Variants in KCND2 observed in about 807,000 individuals in gnomAD.
KCND2 encodes potassium voltage-gated channel subfamily D member 2.
Under a neutral mutation model 54.4 loss-of-function variants are expected in KCND2, and 16 were observed. The ratio of observed to expected loss-of-function variants is 0.29; its 90% CI spans 0.20 to 0.45. The LOEUF (loss-of-function observed/expected upper bound fraction) is 0.45, where lower values mean the gene tolerates loss of function less well. Ranked by LOEUF, KCND2 falls within the 20% of genes least tolerant of loss-of-function variation. The pLI, the probability that KCND2 is intolerant of heterozygous loss-of-function variation, is 1.00. For missense variants in KCND2, 486 were observed against 824.2 expected, an observed-to-expected ratio of 0.59 and a Z score of 5.02; for synonymous variants, 317 against 310.7, an observed-to-expected ratio of 1.02 and a Z score of -0.21.
intron 1 of KCND2, among the ~76,000 whole-genome samples, chr7:120,343,661 T>G (rs1456682947): frequency 6.6e-6 from 1 of 152,194 alleles, no homozygotes; most frequent in Non-Finnish European, 1.5e-5. Flanking sequence ...GGAAACTATC[T>G]TTTCAGTTAT....
intron 1 of KCND2, among the ~76,000 whole-genome samples, chr7:120,727,166 G>A (rs1235554484): frequency 1.3e-5 from 2 of 152,086 alleles, no homozygotes; most frequent in Non-Finnish European, 2.9e-5. Context: ...ATATGAATAG[G>A]ACTAGGAAGC....
chr7:120,474,364 T>G (rs1325663128), intron 1 of KCND2, among the ~76,000 whole-genome samples: 1 of 151,922 alleles, frequency 6.6e-6, no homozygotes, highest in Non-Finnish European at 1.5e-5. Flanking sequence ...TGAGACGGAG[T>G]TTTGCTCTTG....
At chr7:120,334,113 A>G (rs1800108999) in intron 1 of KCND2, among the ~76,000 whole-genome samples, 1 of 152,176 alleles carries the variant, frequency 6.6e-6, no homozygotes, top group South Asian at 2.1e-4. Flanking sequence ...GCTCTGTAAG[A>G]GGAACATAAG....
intron 1 of KCND2, among the ~76,000 whole-genome samples, chr7:120,595,204 A>AT (rs1247446620): frequency 2.0e-4 from 30 of 151,562 alleles, no homozygotes; most frequent in Admixed American, 1.9e-3. Context: ...TAATACCAGC[A>AT]TTTTTTGGAG....
chr7:120,623,350 C>CT (rs1181504015), intron 1 of KCND2, among the ~76,000 whole-genome samples: 2 of 152,164 alleles, frequency 1.3e-5, no homozygotes, highest in Non-Finnish European at 2.9e-5. Flanking sequence ...CCCCTATCCC[C>CT]TACAACTTTG....
intron 1 of KCND2, among the ~76,000 whole-genome samples, chr7:120,298,923 C>T (rs571506578): frequency 2.0e-5 from 3 of 152,180 alleles, no homozygotes; most frequent in East Asian, 3.9e-4. Context: ...TTTGGAAGGC[C>T]GAGGTGGGTG....
At chr7:120,687,982 T>C in intron 1 of KCND2, among the ~76,000 whole-genome samples, 2 of 152,308 alleles carry the variant, frequency 1.3e-5, no homozygotes, top group East Asian at 3.9e-4. Flanking sequence ...ATTCAGTGTC[T>C]AGTTTGGACT....
At chr7:120,408,249 G>A (rs1801392329) in intron 1 of KCND2, among the ~76,000 whole-genome samples, 1 of 151,946 alleles carries the variant, frequency 6.6e-6, no homozygotes, top group African/African-American at 2.4e-5. Context: ...AAGAGGAGCA[G>A]AATGAGATGT....
intron 1 of KCND2, among the ~76,000 whole-genome samples, chr7:120,607,923 T>C (rs1792902636): frequency 1.3e-5 from 2 of 152,012 alleles, no homozygotes; most frequent in African/African-American, 4.8e-5. Context: ...TACTAGGCTG[T>C]AGCTTAGGGT....
chr7:120,377,409 T>TA (rs1800848682), intron 1 of KCND2, among the ~76,000 whole-genome samples: 1 of 152,064 alleles, frequency 6.6e-6, no homozygotes, highest in East Asian at 1.9e-4. Context: ...GTGAGATTGT[T>TA]AAAAATGTGA....
chr7:120,532,981 T>A (rs1426631655), intron 1 of KCND2, among the ~76,000 whole-genome samples: 1 of 152,066 alleles, frequency 6.6e-6, no homozygotes, highest in Non-Finnish European at 1.5e-5. Context: ...AGTAGTTCTC[T>A]GATAGAAATT....
At chr7:120,600,230 C>A (rs73441843) in intron 1 of KCND2, among the ~76,000 whole-genome samples, 1 of 151,728 alleles carries the variant, frequency 6.6e-6, no homozygotes, top group Non-Finnish European at 1.5e-5. Context: ...CAATGACACT[C>A]CATAATCCAT....
chr7:120,382,359 G>A (rs369317233), intron 1 of KCND2, among the ~76,000 whole-genome samples: 30 of 151,914 alleles, frequency 2.0e-4, no homozygotes, highest in African/African-American at 7.0e-4. Flanking sequence ...GGTAAATTAC[G>A]CTAAGCTGCT....
intron 1 of KCND2, among the ~76,000 whole-genome samples, chr7:120,294,674 A>G (rs957071600): frequency 6.6e-6 from 1 of 152,008 alleles, no homozygotes; most frequent in East Asian, 1.9e-4. Context: ...ATTAAAAACC[A>G]TTCCTACAAT....
At chr7:120,710,458 G>A (rs1792523641) in intron 1 of KCND2, among the ~76,000 whole-genome samples, 1 of 152,072 alleles carries the variant, frequency 6.6e-6, no homozygotes, top group Admixed American at 6.6e-5. Flanking sequence ...TTTTAGCCAG[G>A]AGAAGAACCT....
intron 1 of KCND2, among the ~76,000 whole-genome samples, chr7:120,321,554 ATTT>A (rs538683549): frequency 3.3e-5 from 5 of 151,942 alleles, no homozygotes; most frequent in Admixed American, 3.3e-4. Context: ...TTTGAATATT[ATTT>A]TTTTTCTTGT....
intron 1 of KCND2, among the ~76,000 whole-genome samples, chr7:120,367,126 A>G (rs1228929995): frequency 6.6e-6 from 1 of 152,096 alleles, no homozygotes. Flanking sequence ...TCCCAGATTT[A>G]CATAAGGTGG....
At chr7:120,536,283 G>T (rs1384936575) in intron 1 of KCND2, among the ~76,000 whole-genome samples, 1 of 151,980 alleles carries the variant, frequency 6.6e-6, no homozygotes, top group Non-Finnish European at 1.5e-5. Flanking sequence ...CAATCATCTG[G>T]ACTGTCAGTG....
chr7:120,576,956 G>T (rs1316358414), intron 1 of KCND2, among the ~76,000 whole-genome samples: 1 of 152,110 alleles, frequency 6.6e-6, no homozygotes, highest in East Asian at 1.9e-4. Flanking sequence ...AGATCAGCCT[G>T]GGCAACACAG....
Sources: allele counts gnomAD v4.1 joint callset (sites outside exome capture counted in the v4.1 genomes callset), GRCh38; gene constraint gnomAD v4.1.1; transcripts MANE v1.5; gene names NCBI Gene and HGNC (gene_info 2026-07-23, HGNC 2026-07-21).